Variants in DPP10 observed in about 807,000 individuals in gnomAD.
The protein encoded by DPP10 is inactive dipeptidyl peptidase 10.
A neutral mutation model predicts 120.9 loss-of-function variants in DPP10; 33 were observed. That is an observed-to-expected ratio of 0.27 (90% CI 0.21 to 0.37). DPP10 has a LOEUF of 0.37. Ranked by LOEUF, DPP10 falls within the 10% of genes least tolerant of loss-of-function variation. DPP10 has a pLI of 1.00. For synonymous variants in DPP10, 337 were observed against 326.1 expected (o/e 1.03, Z -0.36); for missense variants, 816 against 942.8 (o/e 0.87, Z 1.76).
At chr2:115,358,509 C>T (rs1216638349) in intron 3 of DPP10, among the ~76,000 whole-genome samples, 1 of 152,122 alleles carries the variant, frequency 6.6e-6, no homozygotes, top group East Asian at 1.9e-4. Flanking sequence ...CTTCTGAGCC[C>T]TCCAAGTCTC....
At chr2:114,543,114 A>ACTC (rs1687081185) in intron 1 of DPP10, among the ~76,000 whole-genome samples, 2 of 152,152 alleles carry the variant, frequency 1.3e-5, no homozygotes, top group Non-Finnish European at 2.9e-5. Context: ...GCACTGGAGG[A>ACTC]GACTATGGTA....
chr2:114,660,058 G>C (rs1697277569), intron 1 of DPP10, among the ~76,000 whole-genome samples: 1 of 152,166 alleles, frequency 6.6e-6, no homozygotes, highest in African/African-American at 2.4e-5. Flanking sequence ...AAGCCACCTT[G>C]TCTGTGCTAC....
intron 11 of DPP10, among the ~76,000 whole-genome samples, chr2:115,761,269 T>A (rs1363340652): frequency 6.6e-6 from 1 of 152,054 alleles, no homozygotes; most frequent in African/African-American, 2.4e-5. Context: ...AGTAAAAATT[T>A]AAAAATTAGC....
chr2:115,807,232 G>C (rs535584090), intron 19 of DPP10, among the ~76,000 whole-genome samples: 1 of 152,188 alleles, frequency 6.6e-6, no homozygotes, highest in African/African-American at 2.4e-5. Context: ...ATCATTAGGA[G>C]ATTGTACATT....
At chr2:115,665,884 A>C (rs1183033302) in intron 5 of DPP10, among the ~76,000 whole-genome samples, 1 of 150,770 alleles carries the variant, frequency 6.6e-6, no homozygotes, top group East Asian at 2.0e-4. Context: ...TCTTTTTTTT[A>C]ATTTCTTTTT....
intron 1 of DPP10, among the ~76,000 whole-genome samples, chr2:115,202,670 C>T (rs1036447008): frequency 3.3e-5 from 5 of 152,166 alleles, no homozygotes; most frequent in African/African-American, 1.2e-4. Flanking sequence ...TCTAGAGCAG[C>T]ACTGTCCAAT....
intron 1 of DPP10, chr2:115,162,004 G>T: frequency 7.2e-7 from 1 of 1,385,972 alleles, no homozygotes; most frequent in Non-Finnish European, 9.3e-7. Context: ...GGGCCAGGGC[G>T]AGCCAGGCGC....
chr2:115,817,651 C>T (rs115026647), intron 21 of DPP10, among the ~76,000 whole-genome samples: 1,959 of 150,638 alleles, frequency 0.013, 46 homozygotes, highest in African/African-American at 0.043. Context: ...ACTGAAAGTG[C>T]ATCCCTAGTA....
chr2:114,618,211 ATCCTC>A (rs1693820460), intron 1 of DPP10, among the ~76,000 whole-genome samples: 1 of 151,978 alleles, frequency 6.6e-6, no homozygotes, highest in Admixed American at 6.6e-5. Context: ...TTTTTTTTGA[ATCCTC>A]TAATCAAATG....
chr2:115,270,279 T>G (rs2059642945), intron 1 of DPP10, among the ~76,000 whole-genome samples: 1 of 151,856 alleles, frequency 6.6e-6, no homozygotes, highest in South Asian at 2.1e-4. Context: ...CAGCAAAACA[T>G]ATGAAGTATA....
chr2:115,805,422 C>T (rs550129627), intron 19 of DPP10, among the ~76,000 whole-genome samples: 17 of 152,120 alleles, frequency 1.1e-4, no homozygotes, highest in South Asian at 8.3e-4. Context: ...ACACAGGGTG[C>T]GCTGTACCCA....
At chr2:115,587,089 CTTTTTTTTTTT>C (rs756810925) in intron 5 of DPP10, among the ~76,000 whole-genome samples, 3 of 103,914 alleles carry the variant, frequency 2.9e-5, no homozygotes, top group African/African-American at 1.1e-4. Flanking sequence ...TTTTCTCTTT[CTTTTTTTTTTT>C]TTTTTTTTTT....
At chr2:115,627,257 T>C (rs573467774) in intron 5 of DPP10, among the ~76,000 whole-genome samples, 2 of 152,298 alleles carry the variant, frequency 1.3e-5, no homozygotes, top group African/African-American at 4.8e-5. Context: ...TAGTGTTATA[T>C]GGATGACAGA....
intron 1 of DPP10, among the ~76,000 whole-genome samples, chr2:114,989,467 A>C (rs1700626330): frequency 6.6e-6 from 1 of 152,214 alleles, no homozygotes; most frequent in Admixed American, 6.5e-5. Flanking sequence ...GTCTGGGGTT[A>C]GTGGCAGCAT....
intron 1 of DPP10, among the ~76,000 whole-genome samples, chr2:114,966,461 T>C (rs1311125175): frequency 3.3e-5 from 5 of 152,166 alleles, no homozygotes; most frequent in Non-Finnish European, 7.4e-5. Context: ...TCTCTCACCA[T>C]GTAATCTCTG....
intron 1 of DPP10, among the ~76,000 whole-genome samples, chr2:114,843,063 T>A (rs1688283174): frequency 6.6e-6 from 1 of 152,144 alleles, no homozygotes; most frequent in African/African-American, 2.4e-5. Flanking sequence ...GGGGTAGGTA[T>A]CAAATAAACA....
chr2:115,195,886 T>C (rs931634309), intron 1 of DPP10, among the ~76,000 whole-genome samples: 3 of 152,188 alleles, frequency 2.0e-5, no homozygotes, highest in African/African-American at 7.2e-5. Flanking sequence ...GATGCACCCA[T>C]ACACAGCATA....
At chr2:115,446,033 C>T (rs892634643) in intron 3 of DPP10, among the ~76,000 whole-genome samples, 15 of 152,184 alleles carry the variant, frequency 9.9e-5, no homozygotes, top group Non-Finnish European at 1.9e-4. Flanking sequence ...CTGCTCTGTG[C>T]ACCACTGGGA....
At chr2:115,609,961 G>A (rs748804175) in intron 5 of DPP10, among the ~76,000 whole-genome samples, 2 of 152,162 alleles carry the variant, frequency 1.3e-5, no homozygotes, top group Non-Finnish European at 2.9e-5. Context: ...AAGAAATGAT[G>A]TACAACAGTT....
Sources: gnomAD v4.1 joint callset for allele counts (sites outside exome capture counted in the v4.1 genomes callset) on GRCh38, gnomAD v4.1.1 for gene constraint, MANE v1.5 for transcripts, NCBI Gene and HGNC (gene_info 2026-07-23, HGNC 2026-07-21) for gene names.